Variants in NLGN1 observed in about 807,000 individuals in gnomAD.
NLGN1 encodes neuroligin-1.
Under a neutral mutation model 65.5 loss-of-function variants are expected in NLGN1, and 12 were observed. The ratio of observed to expected loss-of-function variants is 0.18; its 90% CI spans 0.12 to 0.30. The LOEUF is 0.30. Ranked by LOEUF, NLGN1 falls within the 10% of genes least tolerant of loss-of-function variation. The probability of loss-of-function intolerance (pLI) is 1.00; values close to 1 mark genes in which losing one functional copy is unlikely to be tolerated. For missense variants in NLGN1, 750 were observed against 1,007.1 expected, an observed-to-expected ratio of 0.74 and a Z score of 3.46; for synonymous variants, 350 against 359.5, an observed-to-expected ratio of 0.97 and a Z score of 0.30.
At chr3:173,817,935 C>T (rs1211757989) in intron 4 of NLGN1, among the ~76,000 whole-genome samples, 1 of 152,182 alleles carries the variant, frequency 6.6e-6, no homozygotes, top group Non-Finnish European at 1.5e-5. Flanking sequence ...GACTACAGAA[C>T]ATAGTATCAA....
At chr3:173,689,282 A>G (rs1217388385) in intron 3 of NLGN1, among the ~76,000 whole-genome samples, 1 of 152,156 alleles carries the variant, frequency 6.6e-6, no homozygotes, top group Non-Finnish European at 1.5e-5. Flanking sequence ...TTCTAAGGGT[A>G]TGAGATTGCT....
chr3:174,096,452 T>C (rs1387372592), intron 4 of NLGN1, among the ~76,000 whole-genome samples: 3 of 151,968 alleles, frequency 2.0e-5, no homozygotes, highest in African/African-American at 4.8e-5. Flanking sequence ...ATCATGGAAA[T>C]ATCATTTTAT....
intron 4 of NLGN1, among the ~76,000 whole-genome samples, chr3:173,939,834 A>C (rs1745695131): frequency 6.6e-6 from 1 of 152,074 alleles, no homozygotes; most frequent in Non-Finnish European, 1.5e-5. Flanking sequence ...GATGCCTAAA[A>C]TATCTAATCA....
intron 2 of NLGN1, among the ~76,000 whole-genome samples, chr3:173,531,023 T>G (rs946557288): frequency 1.7e-4 from 26 of 152,180 alleles, no homozygotes; most frequent in African/African-American, 5.8e-4. Context: ...ACTTTCATTT[T>G]TGCTAGTGTT....
chr3:174,192,388 G>A (rs968976628), intron 4 of NLGN1, among the ~76,000 whole-genome samples: 1 of 152,092 alleles, frequency 6.6e-6, no homozygotes, highest in Non-Finnish European at 1.5e-5. Flanking sequence ...CTTTCAACTA[G>A]TTGCTTCGGT....
intron 2 of NLGN1, among the ~76,000 whole-genome samples, chr3:173,521,994 A>G (rs185096163): frequency 2.6e-5 from 4 of 152,332 alleles, no homozygotes; most frequent in Non-Finnish European, 5.9e-5. Flanking sequence ...GTAGTGGGTA[A>G]TTACTAGTTA....
intron 1 of NLGN1, among the ~76,000 whole-genome samples, chr3:173,415,890 A>AATATATATATATATATATAT (rs149873787): frequency 3.3e-4 from 45 of 134,860 alleles, no homozygotes; most frequent in African/African-American, 1.3e-3. Context: ...GCAAGGAGTA[A>AATATATATATATATATATAT]ATATATATAT....
chr3:173,668,619 CT>C (rs34649854), intron 3 of NLGN1, among the ~76,000 whole-genome samples: 31,190 of 132,598 alleles, frequency 0.24, 3,890 homozygotes, highest in African/African-American at 0.36. Flanking sequence ...CTTTTCTTTT[CT>C]TTTTTTTTTT....
At chr3:174,278,734 A>G in intron 5 of NLGN1, 127 bp from the exon 6 acceptor site, 1 of 708,886 alleles carries the variant, frequency 1.4e-6, no homozygotes, top group Non-Finnish European at 2.1e-6. Flanking sequence ...TAAGAAAAAT[A>G]TCTCTAACTC....
chr3:173,740,510 G>A (rs1320201667), intron 3 of NLGN1, among the ~76,000 whole-genome samples: 1 of 151,950 alleles, frequency 6.6e-6, no homozygotes, highest in South Asian at 2.1e-4. Context: ...CCATATCTTG[G>A]CCAAAGTTCT....
At chr3:173,747,808 T>C (rs1478487559) in intron 3 of NLGN1, among the ~76,000 whole-genome samples, 44 of 122,228 alleles carry the variant, frequency 3.6e-4, no homozygotes, top group African/African-American at 1.4e-3. Flanking sequence ...GTTCTTTTTT[T>C]TTTTTTTTTT....
intron 4 of NLGN1, among the ~76,000 whole-genome samples, chr3:174,141,961 C>T (rs1722363777): frequency 1.3e-5 from 2 of 152,080 alleles, no homozygotes; most frequent in South Asian, 4.1e-4. Context: ...AACCAAAACA[C>T]ACGGCTTCTT....
intron 4 of NLGN1, among the ~76,000 whole-genome samples, chr3:173,823,427 T>A (rs2150548364): frequency 6.6e-6 from 1 of 152,198 alleles, no homozygotes; most frequent in African/African-American, 2.4e-5. Flanking sequence ...AACATAAATT[T>A]ATTACCAGGG....
chr3:173,957,869 G>T (rs898655789), intron 4 of NLGN1, among the ~76,000 whole-genome samples: 41 of 152,188 alleles, frequency 2.7e-4, no homozygotes, highest in African/African-American at 9.4e-4. Flanking sequence ...TGCTCAGCTT[G>T]TGCTACTGGC....
chr3:173,572,935 A>C (rs1468945936), intron 2 of NLGN1, among the ~76,000 whole-genome samples: 2 of 152,136 alleles, frequency 1.3e-5, no homozygotes, highest in Non-Finnish European at 2.9e-5. Flanking sequence ...GCCCTGTGTG[A>C]GGCAGGAGAA....
chr3:174,006,850 G>A (rs114304550), intron 4 of NLGN1, among the ~76,000 whole-genome samples: 1 of 151,978 alleles, frequency 6.6e-6, no homozygotes, highest in Non-Finnish European at 1.5e-5. Context: ...AGGTGGATCA[G>A]TTGGGGTCAG....
chr3:174,279,045 A>G lies in NLGN1; in HGVS notation c.1044A>G (p.Gln348=), dbSNP rs753195339. Residue 348 remains glutamine (Q), a synonymous_variant, in exon 6 of 7, where the codon CAA becomes CAG. Coordinates refer to ENST00000457714, the Ensembl canonical transcript of NLGN1. This position sits in a 1 kb window ranked among gnomAD's most constrained non-coding sequence, Gnocchi z 4.7. ...AAGAACTTGTTGACCAAGATATTCA[A>G]CCAGCTCGATACCACATAGCCTTTG... The G allele has an allele frequency of 1.2e-6, 2 of 1,610,180 alleles. No homozygotes were observed. The highest frequency in any genetic ancestry group is 3.4e-5 in the Admixed American group (2 of 59,482).
At chr3:173,473,891 T>C (rs1440762288) in intron 2 of NLGN1, among the ~76,000 whole-genome samples, 1 of 152,174 alleles carries the variant, frequency 6.6e-6, no homozygotes, top group Non-Finnish European at 1.5e-5. Flanking sequence ...AGACGGCAGA[T>C]TTCCTACCTC....
chr3:174,210,505 A>G (rs1327852178), intron 4 of NLGN1, among the ~76,000 whole-genome samples: 3 of 152,196 alleles, frequency 2.0e-5, no homozygotes, highest in Admixed American at 1.3e-4. Flanking sequence ...AGGACTGCCT[A>G]TTGTCCACGA....
Sources: allele counts gnomAD v4.1 joint callset (sites outside exome capture counted in the v4.1 genomes callset), GRCh38; gene constraint gnomAD v4.1.1; non-coding constraint Gnocchi (gnomAD v3.1); transcripts MANE v1.5; gene names NCBI Gene and HGNC (gene_info 2026-07-23, HGNC 2026-07-21).